C1orf122: variants seen among roughly 807,000 people sequenced by gnomAD.
The protein encoded by C1orf122 is chromosome 1 open reading frame 122.
Under a neutral mutation model 12.9 loss-of-function variants are expected in C1orf122, and 12 were observed. The ratio of observed to expected loss-of-function variants is 0.93; its 90% CI spans 0.60 to 1.51. The LOEUF is 1.51. Among genes scored for constraint, C1orf122 ranks in the 40% most tolerant of loss-of-function variants. The pLI is 0.00. For missense variants in C1orf122, 144 were observed against 162.1 expected, an observed-to-expected ratio of 0.89 and a Z score of 0.61; for synonymous variants, 57 against 73.4, an observed-to-expected ratio of 0.78 and a Z score of 1.14.
In C1orf122 at chr1:37,808,615, C is replaced by T. The variant is rs1646762066; in HGVS notation, c.120C>T (p.Ala40=). 7.6e-7 allele frequency: 1 copy of T among 1,310,116 alleles called. No homozygotes were observed. The highest frequency in any genetic ancestry group is 9.7e-7 in the Non-Finnish European group (1 of 1,031,674). The allele number at this position is 1,310,116 out of a possible 1,614,324, so 81.2% of individuals were successfully genotyped here. A position where few individuals can be genotyped will look rare whatever the true frequency, so the allele number is the denominator to read the frequency against. The change falls in exon 2 of 3, where the codon GCC becomes GCT. Residue 40 remains alanine, a synonymous_variant. Coordinates refer to ENST00000373042, the MANE Select transcript of C1orf122 (RefSeq NM_198446.3). The stretch of plus-strand genomic sequence containing the variant: ...CACAGCCGCCCCGGGAGGAGCGCGC[C>T]CAGCAGCTGCTGGACGCGGTGGAGC... ...PPPQPPREER[A]QQLLDAVEQR...
At chr1:37,808,797 GC>G in intron 2 of C1orf122, 65 bp downstream of exon 2, 1 of 1,468,942 alleles carries the variant, frequency 6.8e-7, no homozygotes, top group Non-Finnish European at 9.0e-7. Flanking sequence ...GGCTGGCCAA[GC>G]CCTAGCTTAC....
chr1:37,808,294 T>C lies in C1orf122; in HGVS notation c.-111T>C. 1 of 1,283,826 alleles carries C rather than the reference T, an allele frequency of 7.8e-7. No individual in the cohort carries two copies. The highest frequency in any genetic ancestry group is 9.8e-7 in the Non-Finnish European group (1 of 1,015,888). The allele number at this position is 1,283,826 out of a possible 1,614,324, so 79.5% of individuals were successfully genotyped here. A position where few individuals can be genotyped will look rare whatever the true frequency, so the allele number is the denominator to read the frequency against. ...AAAGGGACCACGACCCCCAGGAGGATTGAAGGAGACCGGTGGGGACGGGGC... is the reference window on the plus strand; with the variant it reads ...AAAGGGACCACGACCCCCAGGAGGACTGAAGGAGACCGGTGGGGACGGGGC... On this transcript the variant is annotated 5_prime_UTR_variant, in exon 1 of 3. Coordinates refer to ENST00000373042, the MANE Select transcript of C1orf122 (RefSeq NM_198446.3).
chr1:37,808,722 C>T lies in C1orf122; in HGVS notation c.227C>T (p.Ala76Val). The T allele has an allele frequency of 7.0e-7, 1 of 1,427,280 alleles. No individual in the cohort carries two copies. Among genetic ancestry groups the T allele is most frequent in the South Asian group, 1.5e-5 (1 of 65,954 alleles). 88.4% of individuals were successfully genotyped at this position (1,427,280 alleles called of 1,614,324 possible). The change falls in exon 2 of 3, where the codon GCT (alanine) becomes GTT (valine). Residue 76 changes from alanine (A) to valine (V), a missense_variant. Coordinates refer to ENST00000373042, the MANE Select transcript of C1orf122 (RefSeq NM_198446.3). ...CTGGGCCGCCGGCGCCCGGAGCCGG[C>T]TGGTGGCGGGGTTAGTGCCCACCCT... Reference protein sequence around the residue: ...RQLGRRRPEPAGGGNVSAKPG... With the variant: ...RQLGRRRPEPVGGGNVSAKPG...
chr1:37,809,198 G>T lies in C1orf122; in HGVS notation c.*125G>T, dbSNP rs558977338. On this transcript the variant is annotated 3_prime_UTR_variant, in exon 3 of 3. Transcript: ENST00000373042. ...GTGGCTGGTACTTGGCTCTCAGCCT[G>T]GAGTGGCAGCTCTGCTAGCAGCTGG... The T allele has an allele frequency of 2.1e-5, 24 of 1,142,720 alleles. No individual in the cohort carries two copies. The highest frequency in any genetic ancestry group is 2.9e-5 in the Non-Finnish European group (22 of 750,284). The allele number at this position is 1,142,720 out of a possible 1,614,324, so 70.8% of individuals were successfully genotyped here.
At chr1:37,808,509 T>TCTCTCG in intron 1 of C1orf122, 22 bp from the exon 2 acceptor site, 1 of 1,284,868 alleles carries the variant, frequency 7.8e-7, no homozygotes, top group Non-Finnish European at 9.8e-7. Context: ...TGACCGTCTG[T>TCTCTCG]CTCTCGCTCT....
At position 37,807,806 on chromosome 1, in the gene C1orf122, C is replaced by T. The variant is rs1301017918; in HGVS notation, c.-599C>T. ...GGCGGCCTTACCTGTAGACGTCGGC[C>T]ACGCGGCCGAGGCATACGGCCAGAG... On this transcript the variant is annotated 5_prime_UTR_variant, in exon 1 of 3. Coordinates refer to ENST00000373042, the MANE Select transcript of C1orf122 (RefSeq NM_198446.3). The T allele has an allele frequency of 1.3e-6, 2 of 1,509,926 alleles. No individual in the cohort carries two copies. Among genetic ancestry groups the T allele is most frequent in the South Asian group, 1.2e-5 (1 of 83,018 alleles). The allele number at this position is 1,509,926 out of a possible 1,614,324, so 93.5% of individuals were successfully genotyped here. A position where few individuals can be genotyped will look rare whatever the true frequency, so the allele number is the denominator to read the frequency against.
Position 37,808,293 on chromosome 1 carries a change from A to C in C1orf122, c.-112A>C, listed in dbSNP as rs376993694. 37 of 1,284,100 alleles carry C rather than the reference A, an allele frequency of 2.9e-5. No homozygotes were observed. The South Asian group carries it at 8.8e-4, about 31-fold the overall frequency. The allele number at this position is 1,284,100 out of a possible 1,614,324, so 79.5% of individuals were successfully genotyped here. ...TAAAGGGACCACGACCCCCAGGAGG[A>C]TTGAAGGAGACCGGTGGGGACGGGG... On this transcript the variant is annotated 5_prime_UTR_variant, in exon 1 of 3. Transcript: ENST00000373042.
At position 37,809,020 on chromosome 1, in the gene C1orf122, T is replaced by C. The variant is rs752878944; in HGVS notation, c.280T>C (p.Ser94Pro). 1 of 1,613,912 alleles carries C rather than the reference T, an allele frequency of 6.2e-7. No individual in the cohort carries two copies. The highest frequency in any genetic ancestry group is 2.2e-5 in the East Asian group (1 of 44,874). The change falls in exon 3 of 3, where the codon TCC becomes CCC. Residue 94 changes from serine to proline, a missense_variant. Ser to Pro is a moderately conservative substitution (Grantham distance 74). Coordinates refer to ENST00000373042, the MANE Select transcript of C1orf122 (RefSeq NM_198446.3). Reference protein sequence around the residue: ...KPGAPPQPAVSARGGFPKDAG... With the variant: ...KPGAPPQPAVPARGGFPKDAG... ...TGGAGCGCCCCCCCAGCCGGCTGTC[T>C]CCGCCAGAGGCGGCTTTCCAAAGGA... is the stretch of plus-strand genomic sequence containing the variant.
rs1646760829 is a variant in C1orf122 at position 37,808,532 on chromosome 1, G to C, written c.37G>C (p.Glu13Gln). ...TGTCTCTCGCTCTCTCCCGGGCAGG[G>C]AGGCTGCCGGCGTGGACCGCGGGAA... ...WGPGSDWSRG[E>Q]AAGVDRGKAG... The change falls in exon 2 of 3, where the codon GAG becomes CAG. Residue 13 changes from glutamate (E) to glutamine (Q), a missense_variant and splice_region_variant. Coordinates refer to ENST00000373042, the MANE Select transcript of C1orf122 (RefSeq NM_198446.3). The C allele has an allele frequency of 1.5e-6, 2 of 1,301,392 alleles. No homozygotes were observed. The highest frequency in any genetic ancestry group is 3.1e-5 in the African/African-American group (2 of 64,674). 80.6% of individuals were successfully genotyped at this position (1,301,392 alleles called of 1,614,324 possible).
chr1:37,809,142 C>G lies in C1orf122; in HGVS notation c.*69C>G, dbSNP rs1390487830. 6.5e-7 allele frequency: 1 copy of G among 1,549,862 alleles called. No homozygotes were observed. The highest frequency in any genetic ancestry group is 1.7e-5 in the Admixed American group (1 of 59,946). On this transcript the variant is annotated 3_prime_UTR_variant, in exon 3 of 3. Transcript: ENST00000373042. Reference sequence around the variant, plus strand: ...CCGGTGGCTGGACTCTGAACAACTCCCTTCAGTAAAGGGGCCAGTCTTCAC... The same window carrying G: ...CCGGTGGCTGGACTCTGAACAACTCGCTTCAGTAAAGGGGCCAGTCTTCAC...
Position 37,808,011 on chromosome 1 carries a change from T to A in C1orf122, c.-394T>A, listed in dbSNP as rs1375735315. Reference sequence around the variant, plus strand: ...GCCGGCGCGCTCCGGGCTCGCGGCCTGCACGGCCCCGCTCCCCGGGAGCCG... The same window carrying A: ...GCCGGCGCGCTCCGGGCTCGCGGCCAGCACGGCCCCGCTCCCCGGGAGCCG... On this transcript the variant is annotated 5_prime_UTR_variant, in exon 1 of 3. Coordinates refer to ENST00000373042, the MANE Select transcript of C1orf122 (RefSeq NM_198446.3). The A allele has an allele frequency of 1.6e-6, 2 of 1,221,522 alleles. No homozygotes were observed. The highest frequency in any genetic ancestry group is 2.0e-6 in the Non-Finnish European group (2 of 981,438). 75.7% of individuals were successfully genotyped at this position (1,221,522 alleles called of 1,614,324 possible). A position where few individuals can be genotyped will look rare whatever the true frequency, so the allele number is the denominator to read the frequency against.
At position 37,808,970 on chromosome 1, in the gene C1orf122, C is replaced by T; in HGVS notation, c.238-8C>T. ...CAGCCTCACTTTTTTCCTTTCTGTT[C>T]CAACTAGAACGTCTCAGCCAAACCT... is the stretch of plus-strand genomic sequence containing the variant. On this transcript the variant is annotated splice_polypyrimidine_tract_variant and splice_region_variant and intron_variant, in intron 2 of 2. Transcript: ENST00000373042. 1 of 1,611,812 alleles carries T rather than the reference C, an allele frequency of 6.2e-7. No homozygotes were observed. Among genetic ancestry groups the T allele is most frequent in the Middle Eastern group, 1.7e-4 (1 of 6,044 alleles).
In C1orf122 at chr1:37,808,710, G is replaced by C. The variant is rs1187629573; in HGVS notation, c.215G>C (p.Arg72Pro). The C allele has an allele frequency of 7.0e-7, 1 of 1,424,784 alleles. No homozygotes were observed. The highest frequency in any genetic ancestry group is 1.5e-5 in the South Asian group (1 of 65,602). 88.3% of individuals were successfully genotyped at this position (1,424,784 alleles called of 1,614,324 possible). A position where few individuals can be genotyped will look rare whatever the true frequency, so the allele number is the denominator to read the frequency against. ...EEMLRQLGRR[R>P]PEPAGGGNVS... is the part of the protein sequence containing the mutation. ...ATGTTACGGCAGCTGGGCCGCCGGC[G>C]CCCGGAGCCGGCTGGTGGCGGGGTT... Residue 72 changes from arginine (R) to proline (P), a missense_variant, in exon 2 of 3, where the codon CGC becomes CCC. Transcript: ENST00000373042.
At chr1:37,808,762 T>G (rs1569830345) in intron 2 of C1orf122, 30 bp downstream of exon 2, 1 of 1,438,070 alleles carries the variant, frequency 7.0e-7, no homozygotes, top group East Asian at 2.6e-5. Flanking sequence ...TGGGCTGGGG[T>G]GGGGTGGGGT....
In C1orf122 at chr1:37,809,153, G is replaced by C; in HGVS notation, c.*80G>C. ...ACTCTGAACAACTCCCTTCAGTAAAGGGGCCAGTCTTCACTGGCAGTGGCT... is the reference window on the plus strand; with the variant it reads ...ACTCTGAACAACTCCCTTCAGTAAACGGGCCAGTCTTCACTGGCAGTGGCT... On this transcript the variant is annotated 3_prime_UTR_variant, in exon 3 of 3. Transcript: ENST00000373042. The C allele has an allele frequency of 6.6e-7, 1 of 1,504,560 alleles. No individual in the cohort carries two copies. Among genetic ancestry groups the C allele is most frequent in the Non-Finnish European group, 9.3e-7 (1 of 1,080,130 alleles). The allele number at this position is 1,504,560 out of a possible 1,614,324, so 93.2% of individuals were successfully genotyped here. A position where few individuals can be genotyped will look rare whatever the true frequency, so the allele number is the denominator to read the frequency against.
In C1orf122 at chr1:37,808,996, G is replaced by C. The variant is rs1282698844; in HGVS notation, c.256G>C (p.Gly86Arg). ...AGGGNVSAKP[G>R]APPQPAVSAR... ...CAACTAGAACGTCTCAGCCAAACCT[G>C]GAGCGCCCCCCCAGCCGGCTGTCTC... The change falls in exon 3 of 3, where the codon GGA becomes CGA. Residue 86 changes from glycine to arginine, a missense_variant. Physicochemically the swap from Gly to Arg is moderately radical, Grantham distance 125. Coordinates refer to ENST00000373042, the MANE Select transcript of C1orf122 (RefSeq NM_198446.3). The C allele has an allele frequency of 1.2e-6, 2 of 1,613,602 alleles. No individual in the cohort carries two copies. Among genetic ancestry groups the C allele is most frequent in the Non-Finnish European group, 8.5e-7 (1 of 1,180,014 alleles).
Position 37,808,142 on chromosome 1 carries a change from C to G in C1orf122, c.-263C>G. On this transcript the variant is annotated 5_prime_UTR_variant, in exon 1 of 3. Coordinates refer to ENST00000373042, the MANE Select transcript of C1orf122 (RefSeq NM_198446.3). ...CGCTCAACCCCACGCTGGCAGCCAC[C>G]GCGGCCCTCATCCCCCTGCACCGAC... 4 of 1,472,564 alleles carry G rather than the reference C, an allele frequency of 2.7e-6. No individual in the cohort carries two copies. The highest frequency in any genetic ancestry group is 3.0e-5 in the East Asian group (1 of 33,296). 91.2% of individuals were successfully genotyped at this position (1,472,564 alleles called of 1,614,324 possible). A position where few individuals can be genotyped will look rare whatever the true frequency, so the allele number is the denominator to read the frequency against.
At position 37,808,247 on chromosome 1, in the gene C1orf122, C is replaced by G. The variant is rs1646756810; in HGVS notation, c.-158C>G. ...AGCTTCCGGTCCAGGAGACTCGGCCCCGCCTCTGCGCCGGGCAGCTTAAAG... is the reference window on the plus strand; with the variant it reads ...AGCTTCCGGTCCAGGAGACTCGGCCGCGCCTCTGCGCCGGGCAGCTTAAAG... On this transcript the variant is annotated 5_prime_UTR_variant, in exon 1 of 3. Transcript: ENST00000373042. 7.4e-7 allele frequency: 1 copy of G among 1,354,038 alleles called. No individual in the cohort carries two copies. The highest frequency in any genetic ancestry group is 9.5e-7 in the Non-Finnish European group (1 of 1,055,408). The allele number at this position is 1,354,038 out of a possible 1,614,324, so 83.9% of individuals were successfully genotyped here.
chr1:37,808,597 G>A lies in C1orf122; in HGVS notation c.102G>A (p.Pro34=), dbSNP rs1235728886. The change falls in exon 2 of 3, where the codon CCG becomes CCA. Residue 34 remains proline, a synonymous_variant. Coordinates refer to ENST00000373042, the MANE Select transcript of C1orf122 (RefSeq NM_198446.3). ...LGLGGRPPPQ[P]PREERAQQLL... ...TCGGCGGGAGGCCACCCCCACAGCC[G>A]CCCCGGGAGGAGCGCGCCCAGCAGC... is the stretch of plus-strand genomic sequence containing the variant. 3.1e-6 allele frequency: 4 copies of A among 1,298,836 alleles called. No homozygotes were observed. Among genetic ancestry groups the A allele is most frequent in the African/African-American group, 3.1e-5 (2 of 64,694 alleles). The allele number at this position is 1,298,836 out of a possible 1,614,324, so 80.5% of individuals were successfully genotyped here.
Sources: allele counts gnomAD v4.1 joint callset, GRCh38; gene constraint gnomAD v4.1.1; transcripts MANE v1.5; gene names NCBI Gene and HGNC (gene_info 2026-07-23, HGNC 2026-07-21).